Variants in ACSBG2 observed in about 807,000 individuals in gnomAD.
ACSBG2 encodes the protein long-chain-fatty-acid--CoA ligase ACSBG2.
ACSBG2 carries 62 observed loss-of-function variants against 74.7 expected under a neutral mutation model. The ratio of observed to expected loss-of-function variants is 0.83; its 90% CI spans 0.68 to 1.03. The LOEUF (loss-of-function observed/expected upper bound fraction) is 1.03, where lower values mean the gene tolerates loss of function less well. Ranked by LOEUF, ACSBG2 falls within the 50% of genes least tolerant of loss-of-function variation. The pLI is 0.00. For missense variants in ACSBG2, 730 were observed against 817.6 expected (o/e 0.89, Z 1.31); for synonymous variants, 309 against 294.1 (o/e 1.05, Z -0.52).
At chr19:6,138,756 AAAAG>A (rs2088700448) in intron 1 of ACSBG2, among the ~76,000 whole-genome samples, 4 of 150,508 alleles carry the variant, frequency 2.7e-5, no homozygotes, top group Admixed American at 2.6e-4. Context: ...GAGAATGGGA[AAAAG>A]GAAGGAAGGG....
chr19:6,146,272 C>G (rs968210312), intron 2 of ACSBG2, among the ~76,000 whole-genome samples: 1 of 150,994 alleles, frequency 6.6e-6, no homozygotes, highest in Non-Finnish European at 1.5e-5. Flanking sequence ...GAGTTCGAGA[C>G]CAGCCTGGGC....
At chr19:6,155,789 CAA>C (rs35539453) in intron 4 of ACSBG2, among the ~76,000 whole-genome samples, 9,869 of 123,484 alleles carry the variant, frequency 0.08, 672 homozygotes, top group African/African-American at 0.2. Context: ...GACCCTGTCT[CAA>C]AAAAAAAAAA....
intron 6 of ACSBG2, among the ~76,000 whole-genome samples, chr19:6,163,447 T>TAA (rs576003730): frequency 0.044 from 1,276 of 29,282 alleles, 439 homozygotes; most frequent in Non-Finnish European, 0.085. Context: ...AGACTCCATC[T>TAA]AAAAAAAAAA....
intron 2 of ACSBG2, among the ~76,000 whole-genome samples, chr19:6,145,099 G>T (rs1245371164): frequency 6.6e-6 from 1 of 151,994 alleles, no homozygotes; most frequent in Non-Finnish European, 1.5e-5. Context: ...TCTAGTCAAG[G>T]GGAAAAAGTA....
chr19:6,157,554 C>A (rs558547507), intron 5 of ACSBG2, among the ~76,000 whole-genome samples: 1 of 152,140 alleles, frequency 6.6e-6, no homozygotes, highest in East Asian at 1.9e-4. Context: ...CAGAGAGAGA[C>A]CCTGTCTCAA....
Position 6,187,855 on chromosome 19 carries a change from C to T in ACSBG2, c.1927+10C>T. ...TATGGTGGAGAGCTAGGTGAGTGGC[C>T]ATGACATTTGGAGGCTGGTCCCTTG... On this transcript the variant is annotated intron_variant, in intron 13 of 14. Transcript: ENST00000588485. The T allele has an allele frequency of 6.2e-6, 10 of 1,612,642 alleles. No homozygotes were observed. Among genetic ancestry groups the T allele is most frequent in the Non-Finnish European group, 8.5e-6 (10 of 1,179,272 alleles).
chr19:6,141,632 G>C (rs199966763), intron 2 of ACSBG2, 22 bp downstream of exon 2: 71 of 1,442,762 alleles, frequency 4.9e-5, no homozygotes, highest in Non-Finnish European at 6.3e-5. Flanking sequence ...TAAAGAGTAC[G>C]TGGGAGAGAG....
chr19:6,178,308 T>A (rs937227573), intron 8 of ACSBG2, among the ~76,000 whole-genome samples: 1 of 152,126 alleles, frequency 6.6e-6, no homozygotes, highest in African/African-American at 2.4e-5. Flanking sequence ...TGCATACATG[T>A]CCAGTTGCTC....
intron 5 of ACSBG2, among the ~76,000 whole-genome samples, chr19:6,156,786 AT>A (rs113271517): frequency 0.085 from 10,929 of 128,306 alleles, 652 homozygotes; most frequent in African/African-American, 0.22. Flanking sequence ...CTCAGCCTCC[AT>A]TTTTTTTTTT....
At chr19:6,150,103 T>A (rs1415124687) in intron 3 of ACSBG2, among the ~76,000 whole-genome samples, 1 of 150,818 alleles carries the variant, frequency 6.6e-6, no homozygotes, top group East Asian at 1.9e-4. Context: ...AAAATAATAA[T>A]AATAAAATAA....
At chr19:6,177,120 C>T (rs2015456441) in intron 7 of ACSBG2, 109 bp from the exon 8 acceptor site, 2 of 1,220,132 alleles carry the variant, frequency 1.6e-6, no homozygotes, top group Middle Eastern at 2.4e-4. Flanking sequence ...GTGATCACAC[C>T]ACTGCACTCC....
Position 6,148,665 on chromosome 19 carries a change from G to A in ACSBG2, c.297+990G>A, listed in dbSNP as rs543631362. ...TCATAAAGAAAAAAAAAAAAAAAGA[G>A]AACCATGTGCTTGGGCTGGGTTTCT... On this transcript the variant is annotated intron_variant, in intron 3 of 14. Transcript: ENST00000588485. Among the ~76,000 whole-genome samples, 132 of 149,188 alleles carry A rather than the reference G, an allele frequency of 8.8e-4. 1 individual carries two copies. Among genetic ancestry groups the A allele is most frequent in the African/African-American group, 3.1e-3 (127 of 40,700 alleles).
In ACSBG2 at chr19:6,187,599, T is replaced by C. The variant is rs150094910; in HGVS notation, c.1681T>C (p.Cys561Arg). 3 of 1,613,340 alleles carry C rather than the reference T, an allele frequency of 1.9e-6. No homozygotes were observed. Among genetic ancestry groups the C allele is most frequent in the Non-Finnish European group, 2.5e-6 (3 of 1,179,818 alleles). Residue 561 changes from cysteine (C) to arginine (R), a missense_variant and splice_region_variant, in exon 13 of 15, where the codon TGT becomes CGT. Transcript: ENST00000588485. ...KFLSMLLTLK[C>R]EMNQMSGEPL... ...TGGTGACAGAGGTGTCTGGGGGCAG[T>C]GTGAGATGAATCAGATGAGCGGAGA...
At chr19:6,166,657 T>G (rs1449738512) in intron 7 of ACSBG2, among the ~76,000 whole-genome samples, 1 of 151,906 alleles carries the variant, frequency 6.6e-6, no homozygotes, top group Non-Finnish European at 1.5e-5. Flanking sequence ...TGTTTTGCTT[T>G]TTGAGACCGA....
rs771611321 is a variant in ACSBG2 at position 6,151,800 on chromosome 19, G to A, written c.386+5G>A. The A allele has an allele frequency of 1.3e-6, 2 of 1,585,548 alleles. No individual in the cohort carries two copies. The highest frequency in any genetic ancestry group is 4.5e-5 in the East Asian group (2 of 44,312). On this transcript the variant is annotated splice_donor_5th_base_variant and intron_variant, in intron 4 of 14. Transcript: ENST00000588485. ...TGTTGGTGCCATCCTAGCCGGGTAA[G>A]GTCATTGGCTTGGTTCATGGTGAGG...
chr19:6,156,062 G>C (rs1484535097), intron 4 of ACSBG2, among the ~76,000 whole-genome samples: 2 of 152,076 alleles, frequency 1.3e-5, no homozygotes, highest in Non-Finnish European at 2.9e-5. Flanking sequence ...GATGCACCCT[G>C]CAAGCACAAA....
At chr19:6,166,050 CT>C (rs2089789890) in intron 7 of ACSBG2, 35 bp downstream of exon 7, 1 of 1,610,588 alleles carries the variant, frequency 6.2e-7, no homozygotes, top group Admixed American at 1.7e-5. Context: ...GAGTGGTGGC[CT>C]TTGGGCTGTT....
intron 7 of ACSBG2, among the ~76,000 whole-genome samples, chr19:6,172,909 C>T (rs1466793257): frequency 6.6e-6 from 1 of 152,116 alleles, no homozygotes; most frequent in Non-Finnish European, 1.5e-5. Context: ...TTGTCCTCAG[C>T]CAGCAGGAAT....
At chr19:6,166,283 TGTGTG>T in intron 7 of ACSBG2, among the ~76,000 whole-genome samples, 1 of 42,012 alleles carries the variant, frequency 2.4e-5, no homozygotes, top group Middle Eastern at 0.016. Flanking sequence ...AGGAAGGTTG[TGTGTG>T]TGTGTGTGTG....
Sources: gnomAD v4.1 joint callset for allele counts (sites outside exome capture counted in the v4.1 genomes callset) on GRCh38, gnomAD v4.1.1 for gene constraint, MANE v1.5 for transcripts, NCBI Gene and HGNC (gene_info 2026-07-23, HGNC 2026-07-21) for gene names.